The following SRP54 variants were observed in gnomAD, a reference collection of about 807,000 sequenced individuals.
The protein encoded by SRP54 is signal recognition particle 54, also known as signal recognition particle subunit SRP54.
Under a neutral mutation model 64.8 loss-of-function variants are expected in SRP54, and 10 were observed. The observed-to-expected ratio is 0.15, with a 90% CI of 0.10 to 0.26. SRP54 has a LOEUF of 0.26. Ranked by LOEUF, SRP54 falls within the 10% of genes least tolerant of loss-of-function variation. The pLI is 1.00. For missense variants in SRP54, 325 were observed against 613.7 expected (o/e 0.53, Z 4.97); for synonymous variants, 193 against 185.6 (o/e 1.04, Z -0.32).
In SRP54 at chr14:34,983,038, G is replaced by A. The variant is rs2043828333; in HGVS notation, c.-211G>A. ...CACTCCGTTGGTCTTCCAGCTGGTG[G>A]GAGTTGACGACGTGGTGCTGGGCGT... On this transcript the variant is annotated 5_prime_UTR_variant, in exon 1 of 16. Coordinates refer to ENST00000216774, the MANE Select transcript of SRP54 (RefSeq NM_003136.4). The A allele has an allele frequency of 6.6e-6, 1 of 152,388 alleles. No homozygotes were observed. Among genetic ancestry groups the A allele is most frequent in the African/African-American group, 2.4e-5 (1 of 41,464 alleles). 9.4% of individuals were successfully genotyped at this position (152,388 alleles called of 1,614,324 possible).
intron 3 of SRP54, among the ~76,000 whole-genome samples, chr14:35,000,333 T>G (rs568866141): frequency 7.2e-5 from 11 of 152,102 alleles, no homozygotes; most frequent in African/African-American, 2.4e-4. Flanking sequence ...TTTGGGAGGC[T>G]GAGGTGGGTG....
At chr14:35,002,797 G>A (rs1448444145) in intron 4 of SRP54, among the ~76,000 whole-genome samples, 1 of 136,038 alleles carries the variant, frequency 7.4e-6, no homozygotes, top group African/African-American at 2.8e-5. Context: ...AGGCTGGAGT[G>A]TAGTGGTGCA....
At chr14:35,009,569 G>A (rs1304819246) in intron 7 of SRP54, among the ~76,000 whole-genome samples, 1 of 152,006 alleles carries the variant, frequency 6.6e-6, no homozygotes, top group Non-Finnish European at 1.5e-5. Flanking sequence ...AGTGAAATAG[G>A]GATGAGATTA....
chr14:35,012,000 C>T (rs1018136644), intron 8 of SRP54, among the ~76,000 whole-genome samples: 2 of 152,068 alleles, frequency 1.3e-5, no homozygotes, highest in African/African-American at 4.8e-5. Flanking sequence ...GGATGGATCA[C>T]AAGGTCAGGA....
In SRP54 at chr14:35,011,815, G is replaced by A. The variant is rs2044361019; in HGVS notation, c.636+156G>A. Among the ~76,000 whole-genome samples the A allele has an allele frequency of 2.0e-5, 3 of 151,982 alleles. No homozygotes were observed. The South Asian group carries it at 6.2e-4, about 32-fold the overall frequency. The stretch of plus-strand genomic sequence containing the variant: ...TGGGCACCTATATCTATGTGGTAGG[G>A]ACTTAATTTCATTATTTTTGTTCTC... On this transcript the variant is annotated intron_variant, in intron 8 of 15. Transcript: ENST00000216774.
intron 1 of SRP54, among the ~76,000 whole-genome samples, chr14:34,992,058 G>C (rs1447817763): frequency 6.6e-6 from 1 of 152,122 alleles, no homozygotes; most frequent in African/African-American, 2.4e-5. Flanking sequence ...TCAGTCTCCA[G>C]AGTAGCTGGG....
chr14:34,992,905 A>G (rs921721766), intron 1 of SRP54, among the ~76,000 whole-genome samples: 1 of 151,956 alleles, frequency 6.6e-6, no homozygotes, highest in Non-Finnish European at 1.5e-5. Context: ...GTCTCACTCC[A>G]TCTCATCACA....
chr14:35,007,434 G>C (rs766345941), intron 5 of SRP54, 47 bp downstream of exon 5: 45 of 1,220,376 alleles, frequency 3.7e-5, no homozygotes, highest in Middle Eastern at 5.4e-4. Flanking sequence ...AGATAGGTTT[G>C]TATAAATCAA....
chr14:35,025,218 C>A (rs1476438906), intron 14 of SRP54, among the ~76,000 whole-genome samples: 1 of 151,956 alleles, frequency 6.6e-6, no homozygotes, highest in African/African-American at 2.4e-5. Flanking sequence ...GCCTTGAAAC[C>A]CATTAAAATG....
intron 4 of SRP54, among the ~76,000 whole-genome samples, chr14:35,002,793 G>C (rs111379581): frequency 0.079 from 11,210 of 141,556 alleles, 582 homozygotes; most frequent in Non-Finnish European, 0.12. Flanking sequence ...ACCCAGGCTG[G>C]AGTGTAGTGG....
intron 1 of SRP54, among the ~76,000 whole-genome samples, chr14:34,988,597 C>CATATATATATAACATATATATATAAA (rs2043938800): frequency 2.6e-5 from 2 of 77,924 alleles, no homozygotes; most frequent in African/African-American, 7.7e-5. Context: ...ATATATATAA[C>CATATATATATAACATATATATATAAA]ATATATATAT....
Position 35,022,890 on chromosome 14 carries a change from G to A in SRP54, c.1157-20G>A, listed in dbSNP as rs772454181. 3 of 1,580,904 alleles carry A rather than the reference G, an allele frequency of 1.9e-6. No individual in the cohort carries two copies. The highest frequency in any genetic ancestry group is 2.3e-5 in the East Asian group (1 of 44,018). ...TGGTGAATGATAATTGTGTGTGAGA[G>A]TAACTGACCTTGTCTACAGAACTAG... On this transcript the variant is annotated intron_variant, in intron 13 of 15. Transcript: ENST00000216774.
intron 2 of SRP54, among the ~76,000 whole-genome samples, chr14:34,998,480 C>T (rs1292096174): frequency 6.6e-6 from 1 of 152,142 alleles, no homozygotes; most frequent in Non-Finnish European, 1.5e-5. Context: ...TAACTTCCTT[C>T]TGTCACATTT....
intron 5 of SRP54, among the ~76,000 whole-genome samples, chr14:35,008,167 A>G (rs925690521): frequency 2.6e-5 from 4 of 152,200 alleles, no homozygotes; most frequent in African/African-American, 9.6e-5. Flanking sequence ...GCTTGAGTGC[A>G]GTGGCACGCA....
At chr14:35,023,257 A>T (rs569359741) in intron 14 of SRP54, among the ~76,000 whole-genome samples, 177 bp downstream of exon 14, 30 of 126,426 alleles carry the variant, frequency 2.4e-4, no homozygotes, top group South Asian at 1.5e-3. Flanking sequence ...ATTAATATTT[A>T]AAAAAAAACT....
At chr14:34,999,736 A>C in intron 3 of SRP54, 87 bp downstream of exon 3, 1 of 971,822 alleles carries the variant, frequency 1.0e-6, no homozygotes, top group Non-Finnish European at 1.6e-6. Context: ...TTGCTGTATC[A>C]GGAATCATTT....
intron 1 of SRP54, among the ~76,000 whole-genome samples, chr14:34,991,244 C>G (rs1022669728): frequency 2.0e-5 from 3 of 151,492 alleles, no homozygotes; most frequent in Non-Finnish European, 4.4e-5. Context: ...ATTCTCATGC[C>G]TCAGCCTTCT....
chr14:35,013,608 G>C (rs928625424), intron 9 of SRP54, 114 bp downstream of exon 9: 2 of 1,291,390 alleles, frequency 1.5e-6, no homozygotes, highest in African/African-American at 3.0e-5. Context: ...GCCTAATATG[G>C]TTTATAAAGA....
intron 1 of SRP54, among the ~76,000 whole-genome samples, chr14:34,995,151 G>T (rs1343555719): frequency 8.1e-6 from 1 of 123,656 alleles, no homozygotes; most frequent in Non-Finnish European, 1.9e-5. Context: ...GTGTGTGTGT[G>T]TGTGTGTGTG....
Sources: allele counts gnomAD v4.1 joint callset (sites outside exome capture counted in the v4.1 genomes callset), GRCh38; gene constraint gnomAD v4.1.1; transcripts MANE v1.5; gene names NCBI Gene and HGNC (gene_info 2026-07-23, HGNC 2026-07-21).